LRMDA: variants seen among roughly 807,000 people sequenced by gnomAD.
LRMDA encodes the protein leucine-rich melanocyte differentiation-associated protein.
In LRMDA, 18 loss-of-function variants were observed where a neutral mutation model predicts 29.8. That is an observed-to-expected ratio of 0.60 (90% confidence interval 0.42 to 0.90). The LOEUF (loss-of-function observed/expected upper bound fraction) is 0.90. Among genes scored for constraint, LRMDA ranks in the 40% least tolerant of loss-of-function variants. The pLI is 0.00. For missense variants in LRMDA, 273 were observed against 273.9 expected (o/e 1.00, Z 0.02); for synonymous variants, 125 against 109.4 (o/e 1.14, Z -0.89).
chr10:75,565,151 C>G (rs921235442), intron 2 of LRMDA, among the ~76,000 whole-genome samples: 6 of 152,202 alleles, frequency 3.9e-5, no homozygotes, highest in African/African-American at 1.2e-4. Context: ...TGGGGAGATT[C>G]TCTATGCCGT....
At chr10:75,769,684 A>G (rs185345094) in intron 2 of LRMDA, among the ~76,000 whole-genome samples, 162 of 152,342 alleles carry the variant, frequency 1.1e-3, no homozygotes, top group Middle Eastern at 3.4e-3. Flanking sequence ...AAAAATTTTA[A>G]CATATCAAAA....
intron 2 of LRMDA, among the ~76,000 whole-genome samples, chr10:75,884,968 A>G (rs1452640903): frequency 6.6e-6 from 1 of 151,902 alleles, no homozygotes; most frequent in South Asian, 2.1e-4. Context: ...CCCGGGGAGG[A>G]CAGCAGTTCA....
At chr10:75,717,218 C>G (rs564806914) in intron 2 of LRMDA, among the ~76,000 whole-genome samples, 291 of 152,308 alleles carry the variant, frequency 1.9e-3, no homozygotes, top group African/African-American at 6.4e-3. Context: ...TGGGGAGTCC[C>G]CCCCAGGGGC....
intron 6 of LRMDA, among the ~76,000 whole-genome samples, chr10:76,329,852 A>G (rs1840883436): frequency 6.6e-6 from 1 of 152,226 alleles, no homozygotes; most frequent in African/African-American, 2.4e-5. Context: ...TGTTTTTTTA[A>G]ATTATTTAAA....
chr10:75,771,992 T>C (rs1331323611), intron 2 of LRMDA, among the ~76,000 whole-genome samples: 1 of 152,098 alleles, frequency 6.6e-6, no homozygotes, highest in Non-Finnish European at 1.5e-5. Flanking sequence ...GAAAGCAGTA[T>C]GTAATAGTAA....
chr10:75,483,154 C>G (rs1217705825), intron 2 of LRMDA, among the ~76,000 whole-genome samples: 1 of 152,100 alleles, frequency 6.6e-6, no homozygotes, highest in East Asian at 1.9e-4. Context: ...ACCACGTTAC[C>G]CAGGCTGGTC....
At chr10:76,146,636 T>C (rs1438636940) in intron 5 of LRMDA, among the ~76,000 whole-genome samples, 1 of 152,238 alleles carries the variant, frequency 6.6e-6, no homozygotes, top group Admixed American at 6.5e-5. Context: ...GTCTTGACTA[T>C]CCAATTTGCC....
chr10:76,517,923 A>AAT (rs199508180), intron 6 of LRMDA, among the ~76,000 whole-genome samples: 6,997 of 87,532 alleles, frequency 0.08, 210 homozygotes, highest in African/African-American at 0.1. Context: ...GAAGCAGAGA[A>AAT]ATATATATAT....
At chr10:76,047,740 G>T (rs1840592508) in intron 4 of LRMDA, among the ~76,000 whole-genome samples, 1 of 152,176 alleles carries the variant, frequency 6.6e-6, no homozygotes, top group African/African-American at 2.4e-5. Context: ...TGTGTTGTAA[G>T]ATCTTTCTGT....
chr10:76,523,508 T>C (rs1843143296), intron 6 of LRMDA, among the ~76,000 whole-genome samples: 1 of 151,716 alleles, frequency 6.6e-6, no homozygotes, highest in African/African-American at 2.4e-5. Flanking sequence ...GTCCCTGAGA[T>C]CACAGCTCCA....
intron 2 of LRMDA, among the ~76,000 whole-genome samples, chr10:75,923,338 G>A (rs1846058124): frequency 6.6e-6 from 1 of 152,210 alleles, no homozygotes; most frequent in South Asian, 2.1e-4. Context: ...CAATGGTTCA[G>A]TTAATAATGC....
intron 3 of LRMDA, among the ~76,000 whole-genome samples, chr10:76,043,415 C>T (rs1410744039): frequency 6.6e-6 from 1 of 152,158 alleles, no homozygotes; most frequent in African/African-American, 2.4e-5. Flanking sequence ...GTTACTCCTA[C>T]ACAATGTACC....
At chr10:75,730,796 T>C (rs958105529) in intron 2 of LRMDA, among the ~76,000 whole-genome samples, 2 of 143,194 alleles carry the variant, frequency 1.4e-5, no homozygotes, top group Non-Finnish European at 2.9e-5. Context: ...TTGAACCTTC[T>C]TTTTTTTGAA....
intron 5 of LRMDA, among the ~76,000 whole-genome samples, chr10:76,114,382 G>C (rs1849630574): frequency 1.3e-5 from 2 of 152,156 alleles, no homozygotes; most frequent in Admixed American, 6.5e-5. Context: ...CATAACAACA[G>C]GGCAAGCCCT....
intron 2 of LRMDA, among the ~76,000 whole-genome samples, chr10:75,808,463 A>C (rs750346522): frequency 6.6e-6 from 1 of 152,244 alleles, no homozygotes; most frequent in Non-Finnish European, 1.5e-5. Flanking sequence ...TTTTCTATAC[A>C]TAGCTAGAAA....
At chr10:76,168,725 G>A (rs949380194) in intron 5 of LRMDA, among the ~76,000 whole-genome samples, 18 of 152,076 alleles carry the variant, frequency 1.2e-4, no homozygotes, top group African/African-American at 4.1e-4. Flanking sequence ...GGGATGATGA[G>A]TAGATGAAAG....
intron 5 of LRMDA, among the ~76,000 whole-genome samples, chr10:76,228,611 A>G (rs1344533564): frequency 1.3e-5 from 2 of 152,152 alleles, no homozygotes; most frequent in Non-Finnish European, 2.9e-5. Flanking sequence ...CACTGAATCA[A>G]TTCAGGGTGG....
chr10:76,249,479 A>G (rs1419778680), intron 5 of LRMDA, among the ~76,000 whole-genome samples: 1 of 152,208 alleles, frequency 6.6e-6, no homozygotes, highest in Non-Finnish European at 1.5e-5. Context: ...GATGGCACCC[A>G]TGAAGGAAGA....
chr10:76,263,892 C>T (rs2132312173), intron 5 of LRMDA, among the ~76,000 whole-genome samples: 1 of 152,242 alleles, frequency 6.6e-6, no homozygotes, highest in East Asian at 1.9e-4. Flanking sequence ...ATGGAAAGCT[C>T]TATTCAACCA....
Sources: allele counts gnomAD v4.1 joint callset (sites outside exome capture counted in the v4.1 genomes callset), GRCh38; gene constraint gnomAD v4.1.1; transcripts MANE v1.5; gene names NCBI Gene and HGNC (gene_info 2026-07-23, HGNC 2026-07-21).